LCT: variants seen among roughly 807,000 people sequenced by gnomAD.
LCT encodes lactase.
A neutral mutation model predicts 173.0 loss-of-function variants in LCT; 90 were observed. The observed-to-expected ratio is 0.52, with a 90% CI of 0.44 to 0.62. The LOEUF (loss-of-function observed/expected upper bound fraction) is 0.62, where lower values mean the gene tolerates loss of function less well. Ranked by LOEUF, LCT falls within the 20% of genes least tolerant of loss-of-function variation. The pLI, the probability that LCT is intolerant of heterozygous loss-of-function variation, is 0.00. For missense variants in LCT, 1,864 were observed against 2,431.4 expected (o/e 0.77, Z 4.91); for synonymous variants, 853 against 957.6 (o/e 0.89, Z 2.02).
rs1175384199 is a variant in LCT, at chr2:135,808,875, T to C, written c.3472A>G (p.Ile1158Val). ...QFSLGWFAHP[I>V]FRNGDYPDTM... ...TCAGGATAGTCTCCGTTTCTAAAAA[T>C]GGGGTGAGCAAACCAGCCCAGGGAG... Residue 1158 changes from isoleucine (I) to valine (V), a missense_variant, in exon 8 of 17, where the codon ATT becomes GTT. This residue lies in a region of LCT where 755 missense variants were observed against 926.3 expected (regional missense o/e 0.82). Coordinates refer to ENST00000264162, the MANE Select transcript of LCT (RefSeq NM_002299.4). The C allele has an allele frequency of 6.2e-7, 1 of 1,614,072 alleles. No homozygotes were observed. Among genetic ancestry groups the C allele is most frequent in the East Asian group, 2.2e-5 (1 of 44,900 alleles).
At chr2:135,833,824 T>C (rs1036032138) in intron 1 of LCT, among the ~76,000 whole-genome samples, 2 of 152,158 alleles carry the variant, frequency 1.3e-5, no homozygotes, top group Non-Finnish European at 2.9e-5. Flanking sequence ...CCAGAACTTT[T>C]TCATTTTTCT....
intron 10 of LCT, 65 bp downstream of exon 10, chr2:135,804,702 G>C: frequency 7.1e-7 from 1 of 1,411,378 alleles, no homozygotes; most frequent in Non-Finnish European, 1.0e-6. Flanking sequence ...TGATAAATGT[G>C]CTCCCCCAGC....
Position 135,809,423 on chromosome 2 carries a change from C to T in LCT, c.2924G>A (p.Arg975His), listed in dbSNP as rs2077713166. 8.1e-6 allele frequency: 13 copies of T among 1,614,068 alleles called. No homozygotes were observed. The highest frequency in any genetic ancestry group is 1.1e-5 in the Non-Finnish European group (13 of 1,180,046). ...MLRALKVKAY[R>H]FSISWSRIFP... is the part of the protein sequence containing the mutation. ...AATCCGAGACCAGGAGATAGAGAAGCGGTAGGCCTTCACCTTCAAAGCTCG... is the reference window on the plus strand; with the variant it reads ...AATCCGAGACCAGGAGATAGAGAAGTGGTAGGCCTTCACCTTCAAAGCTCG... Residue 975 changes from arginine to histidine, a missense_variant, in exon 8 of 17, where the codon CGC becomes CAC. Physicochemically the swap from Arg to His is conservative, Grantham distance 29. This residue lies in a region of LCT where 755 missense variants were observed against 926.3 expected (regional missense o/e 0.82). Transcript: ENST00000264162. The surrounding 1 kb of genome is among the most constrained non-coding windows in gnomAD (Gnocchi z 5.5).
At chr2:135,797,902 G>T (rs1559549874) in intron 13 of LCT, 127 bp downstream of exon 13, 1 of 724,118 alleles carries the variant, frequency 1.4e-6, no homozygotes, top group Non-Finnish European at 2.5e-6. Flanking sequence ...GCTGGGCTAA[G>T]CTTTACATAT....
At chr2:135,822,466 A>G in intron 4 of LCT, 1 of 229,130 alleles carries the variant, frequency 4.4e-6, no homozygotes, top group Non-Finnish European at 8.7e-6. Context: ...TGGGGACCAC[A>G]ACTTTGGGAA....
chr2:135,789,511 G>A (rs1040071169), intron 16 of LCT, 60 bp downstream of exon 16: 2 of 1,168,320 alleles, frequency 1.7e-6, no homozygotes, highest in Admixed American at 1.7e-5. Flanking sequence ...CAGACTGAGA[G>A]AGGCCCTTCC....
In LCT at chr2:135,836,603, C is replaced by T. The variant is rs529734483; in HGVS notation, c.567G>A (p.Ala189=). 15 of 1,614,020 alleles carry T rather than the reference C, an allele frequency of 9.3e-6. No homozygotes were observed. In the East Asian group the frequency reaches 1.6e-4, roughly 17 times the overall value. The change falls in exon 1 of 17, where the codon GCG becomes GCA. Residue 189 remains alanine (A), a synonymous_variant. Coordinates refer to ENST00000264162, the MANE Select transcript of LCT (RefSeq NM_002299.4). ...CATCACTGAGGGTCTGGAGTTGTGA[C>T]GCTCTTGATTCCTGGTGGGGAAGCT... ...IKELPHQESR[A]SQLQTLSDAH... is the part of the protein sequence containing the mutation.
rs116468148 is a variant in LCT at position 135,803,627 on chromosome 2, C to T, written c.4663+303G>A. ...TGTGGAAATAGACTGTAGACCTGTA[C>T]AGCCTGACAAACTGTCCTTCCCCAC... On this transcript the variant is annotated intron_variant, in intron 11 of 16. Coordinates refer to ENST00000264162, the MANE Select transcript of LCT (RefSeq NM_002299.4). Among the ~76,000 whole-genome samples the T allele has an allele frequency of 1.0e-2, 1,516 of 152,336 alleles. 21 individuals carry two copies. The highest frequency in any genetic ancestry group is 0.033 in the African/African-American group (1,362 of 41,572).
At chr2:135,829,284 G>A (rs2077913979) in intron 3 of LCT, among the ~76,000 whole-genome samples, 1 of 152,130 alleles carries the variant, frequency 6.6e-6, no homozygotes, top group Admixed American at 6.5e-5. Flanking sequence ...CCATTGATGA[G>A]TTGCCTTTTT....
chr2:135,804,656 A>G, intron 10 of LCT, 111 bp downstream of exon 10: 1 of 1,104,406 alleles, frequency 9.1e-7, no homozygotes, highest in Non-Finnish European at 1.3e-6. Context: ...AACAATAACA[A>G]CAAAAGCTAA....
intron 14 of LCT, among the ~76,000 whole-genome samples, chr2:135,794,022 C>G (rs1486503140): frequency 6.6e-6 from 1 of 151,420 alleles, no homozygotes; most frequent in Non-Finnish European, 1.5e-5. Flanking sequence ...CGCCTGTAAT[C>G]CCAGCTACTT....
chr2:135,829,223 G>A (rs2105554141), intron 3 of LCT, among the ~76,000 whole-genome samples: 1 of 152,094 alleles, frequency 6.6e-6, no homozygotes. Context: ...ACCATTAAAT[G>A]TATAGTTCAG....
intron 7 of LCT, among the ~76,000 whole-genome samples, chr2:135,810,862 TA>T (rs1198190046): frequency 2.0e-5 from 3 of 151,636 alleles, no homozygotes; most frequent in Non-Finnish European, 4.4e-5. Flanking sequence ...CTGTCTCTAC[TA>T]AAAATACAAA....
intron 6 of LCT, among the ~76,000 whole-genome samples, chr2:135,813,557 C>T (rs2077753110): frequency 6.6e-6 from 1 of 152,186 alleles, no homozygotes; most frequent in Non-Finnish European, 1.5e-5. Context: ...CCTCATATGG[C>T]AGGTACAATT....
rs373372396 is a variant in LCT, at chr2:135,817,473, G to T, written c.1575C>A (p.Phe525Leu). Residue 525 changes from phenylalanine to leucine, a missense_variant, in exon 6 of 17, where the codon TTC becomes TTA. Around this residue, in one of 4 missense-constraint regions of LCT, gnomAD observed 183 missense variants for 293.1 expected, o/e 0.62. Transcript: ENST00000264162. ...VVDAFLDYAAFCFSTFGDRVK... is the reference protein window; with the variant it reads ...VVDAFLDYAALCFSTFGDRVK... ...CACGGTCCCCAAATGTGGAGAAGCA[G>T]AAGGCCGCATAGTCCAGGAAGGCAT... 8 of 1,614,210 alleles carry T rather than the reference G, an allele frequency of 5.0e-6. No individual in the cohort carries two copies. Among genetic ancestry groups the T allele is most frequent in the Non-Finnish European group, 6.8e-6 (8 of 1,180,038 alleles).
At chr2:135,823,753 G>A in intron 4 of LCT, 148 bp downstream of exon 4, 1 of 706,110 alleles carries the variant, frequency 1.4e-6, no homozygotes, top group Admixed American at 2.0e-5. Flanking sequence ...GGAAGGCATA[G>A]TACACTAACC....
chr2:135,831,601 T>C (rs1349421754), intron 2 of LCT, among the ~76,000 whole-genome samples: 1 of 152,248 alleles, frequency 6.6e-6, no homozygotes, highest in African/African-American at 2.4e-5. Context: ...CCTGCGTTCA[T>C]AACTGATAGC....
chr2:135,818,822 A>C (rs2077803598), intron 5 of LCT, among the ~76,000 whole-genome samples: 1 of 152,196 alleles, frequency 6.6e-6, no homozygotes, highest in African/African-American at 2.4e-5. Flanking sequence ...GGGCAACAAG[A>C]GTGAAACTCC....
chr2:135,794,789 GC>G lies in LCT; in HGVS notation c.4977-15del. On this transcript the variant is annotated splice_polypyrimidine_tract_variant and intron_variant, in intron 13 of 16. Coordinates refer to ENST00000264162, the MANE Select transcript of LCT (RefSeq NM_002299.4). Reference sequence around the variant, plus strand: ...AATTCTGGCAGCCTGGGTGGAAGAAGCCATTGAGGGCAGGGCTTCAGGGAGA... The same window carrying G: ...AATTCTGGCAGCCTGGGTGGAAGAAGCATTGAGGGCAGGGCTTCAGGGAGA... 1 of 1,614,158 alleles carries G rather than the reference GC, an allele frequency of 6.2e-7. No homozygotes were observed. Among genetic ancestry groups the G allele is most frequent in the South Asian group, 1.1e-5 (1 of 91,084 alleles).
Sources: allele counts gnomAD v4.1 joint callset (sites outside exome capture counted in the v4.1 genomes callset), GRCh38; gene constraint gnomAD v4.1.1; regional missense constraint gnomAD v4.1.1; non-coding constraint Gnocchi (gnomAD v3.1); transcripts MANE v1.5; gene names NCBI Gene and HGNC (gene_info 2026-07-23, HGNC 2026-07-21).